Variants in DIABLO observed in about 807,000 individuals in gnomAD.
DIABLO encodes diablo IAP-binding mitochondrial protein, also known as diablo homolog, mitochondrial.
Under a neutral mutation model 31.7 loss-of-function variants are expected in DIABLO, and 32 were observed. That is an observed-to-expected ratio of 1.01 (90% CI 0.76 to 1.35). The LOEUF is 1.35. Among genes scored for constraint, DIABLO ranks in the 40% most tolerant of loss-of-function variants. DIABLO has a pLI of 0.00. For missense variants in DIABLO, 316 were observed against 286.4 expected, an observed-to-expected ratio of 1.10 and a Z score of -0.75; for synonymous variants, 132 against 103.2, an observed-to-expected ratio of 1.28 and a Z score of -1.69.
chr12:122,207,723 C>A lies in DIABLO; in HGVS notation c.*658G>T, dbSNP rs1156955197. On this transcript the variant is annotated 3_prime_UTR_variant, in exon 6 of 6. Coordinates refer to ENST00000464942, the MANE Select transcript of DIABLO (RefSeq NM_001371333.1). ...GCAAACAAAATCTTACACTCTTCTCCTTTGGATACAATAGAGAAACGGAAA... is the reference window on the plus strand; with the variant it reads ...GCAAACAAAATCTTACACTCTTCTCATTTGGATACAATAGAGAAACGGAAA... The A allele has an allele frequency of 3.8e-6, 2 of 525,262 alleles. No homozygotes were observed. The highest frequency in any genetic ancestry group is 7.3e-6 in the Non-Finnish European group (2 of 274,044). 32.5% of individuals were successfully genotyped at this position (525,262 alleles called of 1,614,324 possible).
chr12:122,211,141 T>C (rs1954080076), intron 5 of DIABLO, among the ~76,000 whole-genome samples: 2 of 134,342 alleles, frequency 1.5e-5, no homozygotes, highest in Admixed American at 1.6e-4. Flanking sequence ...GGCTCACGCC[T>C]GTAATCCCAG....
intron 5 of DIABLO, among the ~76,000 whole-genome samples, chr12:122,213,237 T>G (rs2136089051): frequency 6.6e-6 from 1 of 152,032 alleles, no homozygotes; most frequent in Non-Finnish European, 1.5e-5. Flanking sequence ...GTTAAAAAAG[T>G]GAAATCATAA....
chr12:122,221,807 A>G (rs1358798300), intron 2 of DIABLO: 1 of 152,176 alleles, frequency 6.6e-6, no homozygotes, highest in Non-Finnish European at 1.5e-5. Context: ...AAGTAATATA[A>G]TAACTGAGAA....
chr12:122,215,754 C>T (rs1283473961), intron 5 of DIABLO, among the ~76,000 whole-genome samples: 1 of 149,382 alleles, frequency 6.7e-6, no homozygotes, highest in African/African-American at 2.5e-5. Context: ...GGAATTCGAC[C>T]TACTTGGCTC....
chr12:122,220,355 ACT>A (rs373018653), intron 2 of DIABLO, among the ~76,000 whole-genome samples: 337 of 151,556 alleles, frequency 2.2e-3, no homozygotes, highest in Middle Eastern at 0.014. Flanking sequence ...ATCCTCCCTG[ACT>A]CTCTGCCTTT....
intron 5 of DIABLO, among the ~76,000 whole-genome samples, chr12:122,210,883 A>G (rs1482366755): frequency 1.3e-5 from 2 of 150,122 alleles, no homozygotes; most frequent in African/African-American, 5.0e-5. Context: ...TACTAAAAAT[A>G]AAAAAATTAG....
At position 122,216,774 on chromosome 12, in the gene DIABLO, T is replaced by C. The variant is rs747983793; in HGVS notation, c.411A>G (p.Ile137Met). 3 of 1,614,186 alleles carry C rather than the reference T, an allele frequency of 1.9e-6. No individual in the cohort carries two copies. The Admixed American group carries it at 5.0e-5, about 27-fold the overall frequency. Residue 137 changes from isoleucine to methionine, a missense_variant, in exon 4 of 6, where the codon ATA (isoleucine) becomes ATG (methionine). Physicochemically the swap from Ile to Met is conservative, Grantham distance 10. Transcript: ENST00000464942. Reference sequence around the variant, plus strand: ...TTCTGCTTACCTCAGCTCTGGCTCCTATGATCACCTGCCACACTTCATCTT... The same window carrying C: ...TTCTGCTTACCTCAGCTCTGGCTCCCATGATCACCTGCCACACTTCATCTT... ...EEEDEVWQVIIGARAEMTSKH... is the reference protein window; with the variant it reads ...EEEDEVWQVIMGARAEMTSKH...
chr12:122,225,080 G>A (rs529128733), intron 1 of DIABLO: 292 of 345,534 alleles, frequency 8.5e-4, no homozygotes, highest in African/African-American at 5.8e-3. Context: ...CGGAGTGGTG[G>A]CACGCTCCTG....
chr12:122,211,703 CTTAATAGCT>C (rs577242969), intron 5 of DIABLO, among the ~76,000 whole-genome samples: 55 of 152,240 alleles, frequency 3.6e-4, no homozygotes, highest in African/African-American at 1.1e-3. Flanking sequence ...TGTTCTAATC[CTTAATAGCT>C]TTAATAGCTT....
upstream of DIABLO, chr12:122,226,593 G>A (rs1175040156): frequency 2.9e-6 from 2 of 688,318 alleles, no homozygotes; most frequent in Admixed American, 4.1e-5. Context: ...CAGGACGGTC[G>A]GCGGCCTGCC....
At chr12:122,217,371 C>T (rs541366570) in intron 3 of DIABLO, 8 of 182,102 alleles carry the variant, frequency 4.4e-5, no homozygotes, top group Admixed American at 3.3e-4. Context: ...AAAAATTAGC[C>T]GGGCATGGTG....
chr12:122,224,537 G>A lies in DIABLO; in HGVS notation c.158C>T (p.Thr53Ile), dbSNP rs1262667995. The A allele has an allele frequency of 3.1e-6, 5 of 1,613,282 alleles. No homozygotes were observed. The African/African-American group carries it at 6.7e-5, about 22-fold the overall frequency. ...HKTVTIGFGV[T>I]LCAVPIAQKS... ...CTGTGCAATAGGAACCGCACACAGG[G>A]TTACTCCAAAGCCAATCGTCACAGT... Residue 53 changes from threonine (T) to isoleucine (I), a missense_variant, in exon 2 of 6, where the codon ACC (threonine) becomes ATC (isoleucine). Transcript: ENST00000464942.
At chr12:122,213,447 G>A (rs577934315) in intron 5 of DIABLO, among the ~76,000 whole-genome samples, 24 of 148,592 alleles carry the variant, frequency 1.6e-4, no homozygotes, top group African/African-American at 5.5e-4. Context: ...GTAGTAAGCA[G>A]TGAGCCATGA....
intron 5 of DIABLO, among the ~76,000 whole-genome samples, chr12:122,211,995 A>T (rs1273829960): frequency 7.2e-6 from 1 of 139,792 alleles, no homozygotes; most frequent in Admixed American, 7.1e-5. Context: ...TATTCCTATA[A>T]TTTTTTTTTT....
Position 122,207,888 on chromosome 12 carries a change from T to C in DIABLO, c.*493A>G, listed in dbSNP as rs531266663. On this transcript the variant is annotated 3_prime_UTR_variant, in exon 6 of 6. Transcript: ENST00000464942. ...GGCCTCAGCTGTCCTCACAGGACAG[T>C]GGGGGCAGATCAGAGAACACATCAG... 8.7e-6 allele frequency: 4 copies of C among 460,146 alleles called. No individual in the cohort carries two copies. In the East Asian group the frequency reaches 2.8e-4, roughly 32 times the overall value. 28.5% of individuals were successfully genotyped at this position (460,146 alleles called of 1,614,324 possible).
intron 2 of DIABLO, among the ~76,000 whole-genome samples, 167 bp downstream of exon 2, chr12:122,224,345 A>G (rs545504885): frequency 4.6e-5 from 7 of 152,246 alleles, no homozygotes; most frequent in Admixed American, 3.9e-4. Flanking sequence ...GATAATCAAA[A>G]TGAGAATATT....
At chr12:122,214,366 T>G (rs1027924728) in intron 5 of DIABLO, among the ~76,000 whole-genome samples, 1 of 152,100 alleles carries the variant, frequency 6.6e-6, no homozygotes, top group African/African-American at 2.4e-5. Context: ...TTTTTAAGAT[T>G]TGATGATTGA....
chr12:122,225,566 T>TC (rs996784806), intron 1 of DIABLO: 5 of 1,164,502 alleles, frequency 4.3e-6, no homozygotes, highest in Non-Finnish European at 5.3e-6. Flanking sequence ...CTGCGCCAGC[T>TC]CCCCCGGCCC....
In DIABLO at chr12:122,216,862, T is replaced by C; in HGVS notation, c.323A>G (p.Tyr108Cys). 1.2e-6 allele frequency: 2 copies of C among 1,612,148 alleles called. No individual in the cohort carries two copies. The highest frequency in any genetic ancestry group is 1.7e-6 in the Non-Finnish European group (2 of 1,178,332). The change falls in exon 4 of 6, where the codon TAT becomes TGT. Residue 108 changes from tyrosine to cysteine, a missense_variant. Tyr to Cys is a radical substitution (Grantham distance 194, BLOSUM62 -2). Transcript: ENST00000464942. Reference sequence around the variant, plus strand: ...TTGTCGGTAAAGAGAAGTTAAGGTATAAACAGCCTACAAATAGAGAATGAA... The same window carrying C: ...TTGTCGGTAAAGAGAAGTTAAGGTACAAACAGCCTACAAATAGAGAATGAA... ...EAITEYTKAVYTLTSLYRQYT... is the reference protein window; with the variant it reads ...EAITEYTKAVCTLTSLYRQYT...
Sources: gnomAD v4.1 joint callset for allele counts (sites outside exome capture counted in the v4.1 genomes callset) on GRCh38, gnomAD v4.1.1 for gene constraint, MANE v1.5 for transcripts, NCBI Gene and HGNC (gene_info 2026-07-23, HGNC 2026-07-21) for gene names.